Variants in TBX20 observed in about 807,000 individuals in gnomAD.
TBX20 encodes the protein T-box transcription factor TBX20.
A neutral mutation model predicts 42.9 loss-of-function variants in TBX20; 8 were observed. That is an observed-to-expected ratio of 0.19 (90% CI 0.11 to 0.34). The LOEUF (loss-of-function observed/expected upper bound fraction) is 0.34. TBX20 is among the 10% of genes least tolerant of loss of function. TBX20 has a pLI of 1.00. For synonymous variants in TBX20, 198 were observed against 222.8 expected (o/e 0.89, Z 0.99); for missense variants, 411 against 566.0 (o/e 0.73, Z 2.78).
At chr7:35,245,319 G>GGGGT (rs1554287407) in intron 3 of TBX20, among the ~76,000 whole-genome samples, 2 of 146,398 alleles carry the variant, frequency 1.4e-5, no homozygotes, top group African/African-American at 5.1e-5. Context: ...TGTTTAAAGG[G>GGGGT]GTGTGTGTGT....
intron 6 of TBX20, among the ~76,000 whole-genome samples, chr7:35,226,112 T>C (rs1213441451): frequency 6.6e-6 from 1 of 151,892 alleles, no homozygotes; most frequent in East Asian, 1.9e-4. Flanking sequence ...TTTACCAAAA[T>C]AAATACTACA....
At chr7:35,246,651 G>A (rs1037334834) in intron 3 of TBX20, among the ~76,000 whole-genome samples, 4 of 151,996 alleles carry the variant, frequency 2.6e-5, no homozygotes, top group Admixed American at 6.5e-5. Context: ...TATTTCTTCC[G>A]ATTAGGAATG....
At chr7:35,208,570 C>T (rs558285930) in intron 6 of TBX20, among the ~76,000 whole-genome samples, 3 of 151,790 alleles carry the variant, frequency 2.0e-5, no homozygotes, top group Non-Finnish European at 4.4e-5. Flanking sequence ...TGGAGAAACC[C>T]CGTCTCTACT....
Position 35,233,430 on chromosome 7 carries a change from A to G in TBX20, c.814-1850T>C, listed in dbSNP as rs528259283. Among the ~76,000 whole-genome samples the G allele has an allele frequency of 5.9e-5, 9 of 152,344 alleles. No homozygotes were observed. The East Asian group carries it at 1.5e-3, about 26-fold the overall frequency. On this transcript the variant is annotated intron_variant, in intron 5 of 7. Transcript: ENST00000408931. The stretch of plus-strand genomic sequence containing the variant: ...ATGAGCATTGGTAAACAGGGAAGCA[A>G]ATAAACTACATAAATCAGAAACCTG...
intron 7 of TBX20, among the ~76,000 whole-genome samples, chr7:35,203,417 C>T (rs1274348613): frequency 6.6e-6 from 1 of 151,986 alleles, no homozygotes; most frequent in South Asian, 2.1e-4. Flanking sequence ...GACAGCAAGA[C>T]CAACCCCTCC....
chr7:35,204,732 A>T (rs1462361887), intron 6 of TBX20, 150 bp from the exon 7 acceptor site: 5 of 686,626 alleles, frequency 7.3e-6, no homozygotes, highest in Non-Finnish European at 1.3e-5. Flanking sequence ...AAACATGTAC[A>T]TTTATTCTGT....
intron 6 of TBX20, among the ~76,000 whole-genome samples, chr7:35,229,862 T>C (rs1210858731): frequency 1.3e-5 from 2 of 152,160 alleles, no homozygotes; most frequent in Non-Finnish European, 2.9e-5. Flanking sequence ...ATTCTCAGAA[T>C]AAACCTCTGA....
chr7:35,236,045 AATGT>A (rs1789958820), intron 5 of TBX20, among the ~76,000 whole-genome samples: 1 of 152,186 alleles, frequency 6.6e-6, no homozygotes, highest in African/African-American at 2.4e-5. Flanking sequence ...TTGAAAGTGT[AATGT>A]ATTTAGCTTT....
intron 6 of TBX20, among the ~76,000 whole-genome samples, chr7:35,227,404 T>C (rs552546806): frequency 2.0e-5 from 3 of 152,246 alleles, no homozygotes; most frequent in Admixed American, 6.5e-5. Flanking sequence ...GACCTTAAGC[T>C]CCATTCACGG....
intron 6 of TBX20, among the ~76,000 whole-genome samples, chr7:35,220,794 T>G (rs1789669106): frequency 5.9e-5 from 9 of 152,248 alleles, no homozygotes; most frequent in Admixed American, 5.9e-4. Context: ...TGAAGCAGAC[T>G]TATTGCAAGA....
chr7:35,204,482 T>C lies in TBX20; in HGVS notation c.991A>G (p.Thr331Ala), dbSNP rs1420582400. ...EDVLGDESQTTPNRGSAFTTS... is the reference protein window; with the variant it reads ...EDVLGDESQTAPNRGSAFTTS... ...GAAACTACCTTACCTCGATTTGGGG[T>C]TGTCTGACTCTCATCCCCCAAGACA... Residue 331 changes from threonine (T) to alanine (A), a missense_variant, in exon 7 of 8, where the codon ACC becomes GCC. Physicochemically the swap from Thr to Ala is moderately conservative, Grantham distance 58 (BLOSUM62 0). This residue lies in a region of TBX20 where 162 missense variants were observed against 205.4 expected (regional missense o/e 0.79). Coordinates refer to ENST00000408931, the MANE Select transcript of TBX20 (RefSeq NM_001077653.2). 3.4e-5 allele frequency: 55 copies of C among 1,612,014 alleles called. 1 individual carries two copies. The East Asian group carries it at 1.1e-3, about 33-fold the overall frequency.
intron 6 of TBX20, among the ~76,000 whole-genome samples, chr7:35,226,555 TG>T (rs1280665061): frequency 2.6e-5 from 4 of 152,178 alleles, no homozygotes; most frequent in Non-Finnish European, 4.4e-5. Flanking sequence ...CAACCTTTCC[TG>T]AAGGAAACTT....
intron 6 of TBX20, among the ~76,000 whole-genome samples, chr7:35,207,146 C>A (rs2532125): frequency 1.3e-5 from 2 of 152,198 alleles, no homozygotes; most frequent in Non-Finnish European, 2.9e-5. Context: ...TGTATGAGAA[C>A]TCCAGGTCCT....
intron 6 of TBX20, among the ~76,000 whole-genome samples, chr7:35,224,943 A>T (rs1177246993): frequency 1.3e-5 from 2 of 151,976 alleles, no homozygotes; most frequent in Non-Finnish European, 2.9e-5. Flanking sequence ...AATACCAACT[A>T]TTATTATCCT....
chr7:35,253,450 C>A, intron 1 of TBX20, 44 bp downstream of exon 1: 1 of 1,587,108 alleles, frequency 6.3e-7, no homozygotes. Context: ...GACGGATGCG[C>A]AGCATCCCCA....
intron 5 of TBX20, among the ~76,000 whole-genome samples, chr7:35,235,547 C>T (rs1446013655): frequency 6.6e-6 from 1 of 152,224 alleles, no homozygotes; most frequent in Non-Finnish European, 1.5e-5. Context: ...AGCAATGTTT[C>T]TCACTTCATC....
In TBX20 at chr7:35,202,675, C is replaced by T. The variant is rs1208511940; in HGVS notation, c.1099G>A (p.Ala367Thr). 1.9e-6 allele frequency: 3 copies of T among 1,612,222 alleles called. No individual in the cohort carries two copies. The East Asian group carries it at 6.7e-5, about 36-fold the overall frequency. Residue 367 changes from alanine (A) to threonine (T), a missense_variant, in exon 8 of 8, where the codon GCT becomes ACT. By Grantham distance (58) the Ala-to-Thr change is moderately conservative. Transcript: ENST00000408931. ...ATGGATGCTGTGCTGGTGCCAAGAGCAGTCAGGGACTGTGGGTGCTGAAAC... is the reference window on the plus strand; with the variant it reads ...ATGGATGCTGTGCTGGTGCCAAGAGTAGTCAGGGACTGTGGGTGCTGAAAC... ...PGFQHPQSLTALGTSTASIAT... is the reference protein window; with the variant it reads ...PGFQHPQSLTTLGTSTASIAT...
intron 1 of TBX20, among the ~76,000 whole-genome samples, chr7:35,251,584 T>C (rs1203146916): frequency 6.6e-6 from 1 of 152,196 alleles, no homozygotes; most frequent in Non-Finnish European, 1.5e-5. Context: ...TAATGACTTT[T>C]TTTTCTGACA....
intron 5 of TBX20, among the ~76,000 whole-genome samples, chr7:35,240,502 G>C (rs972955821): frequency 8.5e-5 from 13 of 152,278 alleles, no homozygotes; most frequent in Admixed American, 6.5e-4. Flanking sequence ...GATAGAATAG[G>C]TGTGTTTAAT....
Sources: gnomAD v4.1 joint callset for allele counts (sites outside exome capture counted in the v4.1 genomes callset) on GRCh38, gnomAD v4.1.1 for gene constraint, gnomAD v4.1.1 regional missense constraint, MANE v1.5 for transcripts, NCBI Gene and HGNC (gene_info 2026-07-23, HGNC 2026-07-21) for gene names.